The following FRMD4B variants were observed in gnomAD, a reference collection of about 807,000 sequenced individuals.
The protein encoded by FRMD4B is FERM domain-containing protein 4B.
FRMD4B carries 74 observed loss-of-function variants against 141.5 expected under a neutral mutation model. The ratio of observed to expected loss-of-function variants is 0.52; its 90% CI spans 0.43 to 0.63. The LOEUF (loss-of-function observed/expected upper bound fraction) is 0.63, where lower values mean the gene tolerates loss of function less well. Among genes scored for constraint, FRMD4B ranks in the 30% least tolerant of loss-of-function variants. FRMD4B has a pLI of 0.00. For synonymous variants in FRMD4B, 506 were observed against 467.9 expected, an observed-to-expected ratio of 1.08 and a Z score of -1.05; for missense variants, 1,366 against 1,253.4, an observed-to-expected ratio of 1.09 and a Z score of -1.36.
At chr3:69,198,998 C>T (rs2092938169) in intron 11 of FRMD4B, 2 of 469,334 alleles carry the variant, frequency 4.3e-6, no homozygotes, top group Admixed American at 3.6e-5. Context: ...CGGCCGGGCG[C>T]GGTGGCTCAC....
Position 69,169,353 on chromosome 3 carries a change from C to CTTCCTTTTTTTTTTTTTTTTT in FRMD4B, c.*2507_*2508insAAAAAAAAAAAAAAAAAGGAA, listed in dbSNP as rs1553691418. Among the ~76,000 whole-genome samples, 3 of 29,286 alleles carry CTTCCTTTTTTTTTTTTTTTTT rather than the reference C, an allele frequency of 1.0e-4. 1 individual carries two copies. Among genetic ancestry groups the CTTCCTTTTTTTTTTTTTTTTT allele is most frequent in the Non-Finnish European group, 1.8e-4 (1 of 5,488 alleles). 19.2% of individuals were successfully genotyped at this position (29,286 alleles called of 152,430 possible). A position where few individuals can be genotyped will look rare whatever the true frequency, so the allele number is the denominator to read the frequency against. On this transcript the variant is annotated 3_prime_UTR_variant, in exon 23 of 23. Coordinates refer to ENST00000398540, the MANE Select transcript of FRMD4B (RefSeq NM_015123.3). Reference sequence around the variant, plus strand: ...AGGATTGCTGAACTTCCATTTCTTTCTTTTTTTTTTTTTTTTTTTTTTCTT... The same window carrying CTTCCTTTTTTTTTTTTTTTTT: ...AGGATTGCTGAACTTCCATTTCTTTCTTCCTTTTTTTTTTTTTTTTTTTTTTTTTTTTTTTTTTTTTTTCTT...
At chr3:69,205,655 T>C (rs2093017582) in intron 11 of FRMD4B, among the ~76,000 whole-genome samples, 1 of 152,142 alleles carries the variant, frequency 6.6e-6, no homozygotes, top group East Asian at 1.9e-4. Flanking sequence ...GCTACTAGCA[T>C]CTAGAGAGTA....
chr3:69,387,751 CTGT>C (rs1290954361), upstream of FRMD4B, among the ~76,000 whole-genome samples: 7 of 152,158 alleles, frequency 4.6e-5, no homozygotes, highest in East Asian at 7.7e-4. Context: ...CTCAAAGTGC[CTGT>C]TGTTTTCAGT....
chr3:69,269,893 T>A (rs866883424), intron 5 of FRMD4B, among the ~76,000 whole-genome samples: 6 of 152,388 alleles, frequency 3.9e-5, no homozygotes, highest in Middle Eastern at 3.4e-3. Flanking sequence ...GTGCTGGGAT[T>A]ACAGGCGTGA....
intron 1 of FRMD4B, among the ~76,000 whole-genome samples, chr3:69,530,424 C>T (rs1182947076): frequency 6.6e-6 from 1 of 152,196 alleles, no homozygotes; most frequent in East Asian, 1.9e-4. Flanking sequence ...TCCCTCCTCT[C>T]TCATCATGTA....
At chr3:69,528,947 C>G (rs555365391) in intron 1 of FRMD4B, among the ~76,000 whole-genome samples, 3 of 152,276 alleles carry the variant, frequency 2.0e-5, no homozygotes, top group African/African-American at 7.2e-5. Context: ...TAGGCCAAAC[C>G]CTGTTCATCA....
chr3:69,245,350 T>TGA (rs148432485), intron 7 of FRMD4B, among the ~76,000 whole-genome samples: 2,666 of 150,520 alleles, frequency 0.018, 83 homozygotes, highest in African/African-American at 0.064. Flanking sequence ...TGTGTGTGTG[T>TGA]GTGTTTTTAG....
chr3:69,301,015 C>G (rs535549424), intron 4 of FRMD4B, among the ~76,000 whole-genome samples: 3 of 152,076 alleles, frequency 2.0e-5, no homozygotes, highest in African/African-American at 7.2e-5. Flanking sequence ...GGATTACAGG[C>G]GTGAGCCACC....
intron 1 of FRMD4B, among the ~76,000 whole-genome samples, chr3:69,334,993 A>C (rs1702495076): frequency 6.6e-6 from 1 of 152,196 alleles, no homozygotes; most frequent in South Asian, 2.1e-4. Context: ...TTGTTACTTT[A>C]GACAGAGCAG....
chr3:69,216,720 A>G (rs1199239303), intron 10 of FRMD4B, among the ~76,000 whole-genome samples: 2 of 152,104 alleles, frequency 1.3e-5, no homozygotes, highest in East Asian at 1.9e-4. Flanking sequence ...GTGAGCCACC[A>G]CACCTGGCAA....
At chr3:69,498,843 C>T (rs1018865415) in intron 1 of FRMD4B, among the ~76,000 whole-genome samples, 2 of 152,038 alleles carry the variant, frequency 1.3e-5, no homozygotes, top group South Asian at 2.1e-4. Context: ...GAGTATTTAT[C>T]GAATATCTAC....
At chr3:69,277,504 G>A (rs904015034) in intron 5 of FRMD4B, among the ~76,000 whole-genome samples, 6 of 127,716 alleles carry the variant, frequency 4.7e-5, no homozygotes, top group Non-Finnish European at 9.9e-5. Flanking sequence ...GCATTTTCTT[G>A]CTTTCTTTCT....
intron 1 of FRMD4B, among the ~76,000 whole-genome samples, chr3:69,496,637 A>AGAGAGAGAGAGAGAGAG (rs1706399949): frequency 1.8e-5 from 1 of 56,472 alleles, no homozygotes; most frequent in Admixed American, 2.1e-4. Flanking sequence ...GAGAGAGAGA[A>AGAGAGAGAGAGAGAGAG]AGAGAGAGAG....
chr3:69,454,790 C>T (rs375472972), intron 1 of FRMD4B, among the ~76,000 whole-genome samples: 1 of 152,224 alleles, frequency 6.6e-6, no homozygotes, highest in Admixed American at 6.5e-5. Context: ...GTCCCATCAA[C>T]TGCTAAAGGG....
At chr3:69,498,681 TAA>T (rs1041947856) in intron 1 of FRMD4B, among the ~76,000 whole-genome samples, 1 of 152,212 alleles carries the variant, frequency 6.6e-6, no homozygotes, top group Non-Finnish European at 1.5e-5. Flanking sequence ...TTAAGAGTTA[TAA>T]GAGTAAATAA....
intron 1 of FRMD4B, among the ~76,000 whole-genome samples, chr3:69,441,983 G>A (rs1313200579): frequency 6.6e-6 from 1 of 152,098 alleles, no homozygotes; most frequent in East Asian, 1.9e-4. Flanking sequence ...ACTCCTAAGA[G>A]ATAGCTATTA....
At chr3:69,204,021 G>A (rs2092997576) in intron 11 of FRMD4B, among the ~76,000 whole-genome samples, 1 of 152,074 alleles carries the variant, frequency 6.6e-6, no homozygotes, top group Admixed American at 6.6e-5. Flanking sequence ...TTCATTGGGG[G>A]TTTCCTGATA....
intron 3 of FRMD4B, among the ~76,000 whole-genome samples, chr3:69,310,977 C>T (rs558534561): frequency 6.6e-6 from 1 of 152,290 alleles, no homozygotes; most frequent in Admixed American, 6.5e-5. Flanking sequence ...AGCACAATCA[C>T]ATTCAAAGAC....
At chr3:69,386,260 C>T, upstream of FRMD4B, 1 of 341,528 alleles carries the variant, frequency 2.9e-6, no homozygotes, top group Non-Finnish European at 5.3e-6. Context: ...CTGTGCTAAG[C>T]TCCACCAAGC....
Sources: allele counts gnomAD v4.1 joint callset (sites outside exome capture counted in the v4.1 genomes callset), GRCh38; gene constraint gnomAD v4.1.1; transcripts MANE v1.5; gene names NCBI Gene and HGNC (gene_info 2026-07-23, HGNC 2026-07-21).